Variants in CFAP54 observed in about 807,000 individuals in gnomAD.
CFAP54 encodes cilia- and flagella-associated protein 54.
Under a neutral mutation model 370.4 loss-of-function variants are expected in CFAP54, and 290 were observed. The ratio of observed to expected loss-of-function variants is 0.78; its 90% CI spans 0.71 to 0.86. The LOEUF is 0.86. CFAP54 is among the 40% of genes least tolerant of loss of function. The pLI, the probability that CFAP54 is intolerant of heterozygous loss-of-function variation, is 0.00. For synonymous variants in CFAP54, 1,206 were observed against 1,236.5 expected, an observed-to-expected ratio of 0.98 and a Z score of 0.52; for missense variants, 3,399 against 3,528.7, an observed-to-expected ratio of 0.96 and a Z score of 0.93.
chr12:96,733,716 T>C (rs1957949576), intron 50 of CFAP54, among the ~76,000 whole-genome samples: 1 of 152,208 alleles, frequency 6.6e-6, no homozygotes, highest in African/African-American at 2.4e-5. Context: ...ATCTGTCTAG[T>C]GTAGTGGAGA....
intron 13 of CFAP54, among the ~76,000 whole-genome samples, chr12:96,539,056 C>A (rs1255460594): frequency 7.5e-6 from 1 of 132,454 alleles, no homozygotes; most frequent in Admixed American, 7.6e-5. Context: ...CACGCCCGGC[C>A]TTTTCAGGTT....
At chr12:96,560,863 GAATT>G (rs1955807129) in intron 17 of CFAP54, among the ~76,000 whole-genome samples, 1 of 152,096 alleles carries the variant, frequency 6.6e-6, no homozygotes, top group African/African-American at 2.4e-5. Context: ...GATCCTTCCT[GAATT>G]AATTATTACA....
At position 96,626,780 on chromosome 12, in the gene CFAP54, G is replaced by A. The variant is rs753943518; in HGVS notation, c.3977-33G>A. On this transcript the variant is annotated intron_variant, in intron 29 of 67. Coordinates refer to ENST00000524981, the MANE Select transcript of CFAP54 (RefSeq NM_001306084.2). ...TTTGGTACTAATAATTGAGTATATT[G>A]TTAACTATATATGAACTTCCTTGTT... 4.1e-6 allele frequency: 5 copies of A among 1,220,026 alleles called. No homozygotes were observed. The South Asian group carries it at 9.3e-5, about 23-fold the overall frequency. The allele number at this position is 1,220,026 out of a possible 1,614,324, so 75.6% of individuals were successfully genotyped here.
chr12:96,719,646 G>A (rs967843124), intron 49 of CFAP54, among the ~76,000 whole-genome samples: 2 of 152,168 alleles, frequency 1.3e-5, no homozygotes, highest in Admixed American at 6.5e-5. Context: ...GTGAACACAC[G>A]CAGAGCACAG....
chr12:96,659,288 C>G (rs996617005), intron 38 of CFAP54, among the ~76,000 whole-genome samples: 3 of 152,076 alleles, frequency 2.0e-5, no homozygotes, highest in African/African-American at 4.8e-5. Context: ...TGACTGCCAA[C>G]ACGCCCGGCT....
chr12:96,739,063 G>A (rs1958018345), intron 50 of CFAP54, among the ~76,000 whole-genome samples: 1 of 152,180 alleles, frequency 6.6e-6, no homozygotes, highest in African/African-American at 2.4e-5. Context: ...ACCTTTTGGG[G>A]AGACAAAATT....
intron 2 of CFAP54, among the ~76,000 whole-genome samples, chr12:96,501,765 A>G (rs551412034): frequency 6.6e-6 from 1 of 152,304 alleles, no homozygotes; most frequent in Admixed American, 6.5e-5. Flanking sequence ...CTGGGAGACA[A>G]ATTTACCAAA....
intron 67 of CFAP54, among the ~76,000 whole-genome samples, chr12:96,864,031 T>C (rs1356476348): frequency 6.6e-6 from 1 of 152,166 alleles, no homozygotes. Flanking sequence ...GATGATGAAC[T>C]GGGCTGAAGT....
chr12:96,589,376 ACATT>A (rs764381818), intron 22 of CFAP54, 47 bp from the exon 23 acceptor site: 72 of 1,371,494 alleles, frequency 5.2e-5, no homozygotes, highest in Middle Eastern at 3.7e-4. Context: ...ATTGTTTAAA[ACATT>A]CATTCACGAA....
chr12:96,625,839 C>G (rs761011264), intron 29 of CFAP54, 32 bp downstream of exon 29: 2 of 1,388,802 alleles, frequency 1.4e-6, no homozygotes, highest in Non-Finnish European at 2.0e-6. Flanking sequence ...ATGCTGTTCA[C>G]TCGATTTATC....
chr12:96,610,124 GA>G (rs1956340196), intron 26 of CFAP54, among the ~76,000 whole-genome samples: 1 of 152,202 alleles, frequency 6.6e-6, no homozygotes, highest in African/African-American at 2.4e-5. Flanking sequence ...CGGTGCAATA[GA>G]ATAGAGAGTC....
chr12:96,550,700 A>G lies in CFAP54; in HGVS notation c.2154+2722A>G, dbSNP rs1273249739. 3.9e-5 allele frequency among the ~76,000 whole-genome samples: 6 copies of G among 152,364 alleles called. No individual in the cohort carries two copies. The East Asian group carries it at 1.2e-3, about 29-fold the overall frequency. Reference sequence around the variant, plus strand: ...AGAGATTTTGGACAGATTTGAACAAATATCCTCAAGCATGTTGCAGAGCTC... The same window carrying G: ...AGAGATTTTGGACAGATTTGAACAAGTATCCTCAAGCATGTTGCAGAGCTC... On this transcript the variant is annotated intron_variant, in intron 15 of 67. Coordinates refer to ENST00000524981, the MANE Select transcript of CFAP54 (RefSeq NM_001306084.2).
At chr12:96,571,180 G>A (rs1197546531) in intron 19 of CFAP54, among the ~76,000 whole-genome samples, 2 of 152,150 alleles carry the variant, frequency 1.3e-5, no homozygotes, top group African/African-American at 4.8e-5. Flanking sequence ...CATCAAGCCT[G>A]TGTCAAATGT....
intron 50 of CFAP54, among the ~76,000 whole-genome samples, chr12:96,739,327 C>T (rs568251404): frequency 3.8e-4 from 57 of 149,562 alleles, no homozygotes; most frequent in African/African-American, 1.0e-3. Flanking sequence ...GTTTACTATT[C>T]GACAGGGGAG....
intron 13 of CFAP54, among the ~76,000 whole-genome samples, chr12:96,539,400 A>G (rs1469873469): frequency 2.0e-5 from 3 of 151,980 alleles, no homozygotes; most frequent in Non-Finnish European, 4.4e-5. Context: ...TGGGCCAGGC[A>G]CAGGGGCTGA....
At chr12:96,757,892 A>C (rs1335241769) in intron 58 of CFAP54, among the ~76,000 whole-genome samples, 4 of 152,238 alleles carry the variant, frequency 2.6e-5, no homozygotes, top group South Asian at 4.1e-4. Context: ...TGGATAACAT[A>C]AATGCAAGGC....
chr12:96,662,612 T>C (rs1220051699), intron 38 of CFAP54, among the ~76,000 whole-genome samples: 1 of 152,158 alleles, frequency 6.6e-6, no homozygotes, highest in Non-Finnish European at 1.5e-5. Flanking sequence ...CTATTCAGAG[T>C]AAAGTGAACA....
intron 66 of CFAP54, among the ~76,000 whole-genome samples, chr12:96,855,557 T>G (rs990523750): frequency 1.3e-5 from 2 of 152,192 alleles, no homozygotes; most frequent in Non-Finnish European, 2.9e-5. Flanking sequence ...ACAGGCCCCA[T>G]GCAAGTCCAA....
chr12:96,521,519 T>C (rs1955315328), intron 6 of CFAP54, among the ~76,000 whole-genome samples: 1 of 110,544 alleles, frequency 9.0e-6, no homozygotes, highest in South Asian at 2.8e-4. Flanking sequence ...TGTGTGTGTG[T>C]GTGTGTGTGT....
Sources: allele counts gnomAD v4.1 joint callset (sites outside exome capture counted in the v4.1 genomes callset), GRCh38; gene constraint gnomAD v4.1.1; transcripts MANE v1.5; gene names NCBI Gene and HGNC (gene_info 2026-07-23, HGNC 2026-07-21).